The following GRK7 variants were observed in gnomAD, a reference collection of about 807,000 sequenced individuals.
GRK7 encodes G protein-coupled receptor kinase 7.
A neutral mutation model predicts 34.1 loss-of-function variants in GRK7; 24 were observed. That is an observed-to-expected ratio of 0.70 (90% CI 0.51 to 0.99). The LOEUF is 0.99. Among genes scored for constraint, GRK7 ranks in the 50% least tolerant of loss-of-function variants. GRK7 has a pLI of 0.00. For synonymous variants in GRK7, 256 were observed against 279.4 expected, an observed-to-expected ratio of 0.92 and a Z score of 0.84; for missense variants, 644 against 707.3, an observed-to-expected ratio of 0.91 and a Z score of 1.02.
chr3:141,768,120 A>G (rs2084598483), intron 1 of GRK7, among the ~76,000 whole-genome samples: 1 of 152,064 alleles, frequency 6.6e-6, no homozygotes, highest in African/African-American at 2.4e-5. Context: ...ACACTGTGTC[A>G]CGGTTATCAT....
intron 2 of GRK7, among the ~76,000 whole-genome samples, chr3:141,776,839 T>C (rs2084642139): frequency 6.6e-6 from 1 of 152,212 alleles, no homozygotes; most frequent in South Asian, 2.1e-4. Flanking sequence ...TTTGGCATAA[T>C]ACTGAATGAC....
chr3:141,810,707 G>A (rs1342865639), intron 5 of GRK7, among the ~76,000 whole-genome samples: 1 of 151,988 alleles, frequency 6.6e-6, no homozygotes, highest in Non-Finnish European at 1.5e-5. Flanking sequence ...AGTAGAGACG[G>A]GGTTTCACCA....
Position 141,818,374 on chromosome 3 carries a change from G to A in GRK7, c.*1324G>A, listed in dbSNP as rs117802924. The A allele has an allele frequency of 7.2e-4, 110 of 152,558 alleles. No homozygotes were observed. The East Asian group carries it at 0.018, about 25-fold the overall frequency. 9.5% of individuals were successfully genotyped at this position (152,558 alleles called of 1,614,324 possible). A position where few individuals can be genotyped will look rare whatever the true frequency, so the allele number is the denominator to read the frequency against. On this transcript the variant is annotated 3_prime_UTR_variant, in exon 6 of 6. Coordinates refer to ENST00000682958, the MANE Select transcript of GRK7 (RefSeq NM_139209.3). ...TGCACATCTATAATCCCAGTTACCC[G>A]GGAGCCTGAGGCAGGAGAATTGCTT...
chr3:141,779,016 G>T, intron 3 of GRK7, 120 bp downstream of exon 3: 1 of 975,968 alleles, frequency 1.0e-6, no homozygotes, highest in Non-Finnish European at 1.5e-6. Context: ...ATATGTGGAG[G>T]ATTTCTAGCC....
At chr3:141,783,485 G>C (rs2084681441) in intron 4 of GRK7, among the ~76,000 whole-genome samples, 1 of 152,148 alleles carries the variant, frequency 6.6e-6, no homozygotes, top group Admixed American at 6.5e-5. Flanking sequence ...TCTGCCACAG[G>C]AGCCAAAGAA....
Position 141,816,997 on chromosome 3 carries a change from A to G in GRK7, c.1609A>G (p.Thr537Ala), listed in dbSNP as rs1162025611. 3 of 1,613,382 alleles carry G rather than the reference A, an allele frequency of 1.9e-6. No homozygotes were observed. The highest frequency in any genetic ancestry group is 3.3e-5 in the Admixed American group (2 of 59,914). The change falls in exon 6 of 6, where the codon ACG becomes GCG. Residue 537 changes from threonine (T) to alanine (A), a missense_variant. Transcript: ENST00000682958. ...FEELNDPNRP[T>A]GCEEGNSSKS... is the part of the protein sequence containing the mutation. ...GGAACTGAATGACCCCAACAGACCTACGGGTTGTGAGGAGGGTAATTCATC... is the reference window on the plus strand; with the variant it reads ...GGAACTGAATGACCCCAACAGACCTGCGGGTTGTGAGGAGGGTAATTCATC...
intron 4 of GRK7, among the ~76,000 whole-genome samples, chr3:141,794,445 G>A (rs1051028456): frequency 2.0e-5 from 3 of 152,192 alleles, no homozygotes; most frequent in Non-Finnish European, 2.9e-5. Context: ...GAAATGAAAA[G>A]GAAGCCAGGA....
At chr3:141,792,076 G>A (rs1174954471) in intron 4 of GRK7, among the ~76,000 whole-genome samples, 1 of 148,936 alleles carries the variant, frequency 6.7e-6, no homozygotes, top group Non-Finnish European at 1.5e-5. Context: ...CTGCCTTCAT[G>A]AAGCTTACAG....
Position 141,778,939 on chromosome 3 carries a change from G to A in GRK7, c.612+43G>A. 1 of 1,534,866 alleles carries A rather than the reference G, an allele frequency of 6.5e-7. No individual in the cohort carries two copies. Among genetic ancestry groups the A allele is most frequent in the Non-Finnish European group, 8.8e-7 (1 of 1,140,578 alleles). On this transcript the variant is annotated intron_variant, in intron 3 of 5. Coordinates refer to ENST00000682958, the MANE Select transcript of GRK7 (RefSeq NM_139209.3). The surrounding 1 kb of genome is among the most constrained non-coding windows in gnomAD (Gnocchi z 4.1). ...GCCAGGCTAGAAGGTGAAGCATAGA[G>A]CATGAAAGGGGGTAATGTTGCCTTT...
chr3:141,807,942 G>A (rs759819824), intron 5 of GRK7, 23 bp downstream of exon 5: 5 of 1,549,436 alleles, frequency 3.2e-6, no homozygotes. Flanking sequence ...GTAACAGAGA[G>A]GATTGCTGAC....
intron 1 of GRK7, among the ~76,000 whole-genome samples, chr3:141,765,944 T>C (rs1260070283): frequency 1.3e-5 from 2 of 152,182 alleles, no homozygotes; most frequent in Non-Finnish European, 2.9e-5. Flanking sequence ...GGTGTTTAAG[T>C]GTCACCAGCT....
chr3:141,792,644 C>CA (rs1458070713), intron 4 of GRK7, among the ~76,000 whole-genome samples: 2 of 152,228 alleles, frequency 1.3e-5, no homozygotes, highest in East Asian at 3.9e-4. Context: ...CAGACTGAGA[C>CA]AGATTTACAC....
chr3:141,778,795 T>C lies in GRK7; in HGVS notation c.511T>C (p.Phe171Leu), dbSNP rs755807570. 6.2e-7 allele frequency: 1 copy of C among 1,608,640 alleles called. No homozygotes were observed. Among genetic ancestry groups the C allele is most frequent in the South Asian group, 1.1e-5 (1 of 90,012 alleles). ...CTTTAAGGATTTCGTGACCAGCGCC[T>C]TCTACGACAAGTTTCTGCAGTGGAA... ...QPFKDFVTSA[F>L]YDKFLQWKLF... The change falls in exon 3 of 6, where the codon TTC (phenylalanine) becomes CTC (leucine). Residue 171 changes from phenylalanine (F) to leucine (L), a missense_variant. By Grantham distance (22) the Phe-to-Leu change is conservative. Transcript: ENST00000682958. This position sits in a 1 kb window ranked among gnomAD's most constrained non-coding sequence, Gnocchi z 4.1.
the GRK7 span, among the ~76,000 whole-genome samples, chr3:141,752,143 C>T: frequency 1.3e-5 from 2 of 152,288 alleles, no homozygotes; most frequent in Admixed American, 6.5e-5. Context: ...ATATGAAAAA[C>T]CTCAGTGTTT....
intron 4 of GRK7, among the ~76,000 whole-genome samples, chr3:141,796,759 C>T (rs1445779719): frequency 6.6e-6 from 1 of 152,218 alleles, no homozygotes; most frequent in African/African-American, 2.4e-5. Flanking sequence ...CACTGAAGAA[C>T]ACGCTCAAGT....
chr3:141,765,981 A>C (rs1218201634), intron 1 of GRK7, among the ~76,000 whole-genome samples: 1 of 152,174 alleles, frequency 6.6e-6, no homozygotes, highest in African/African-American at 2.4e-5. Context: ...TTTCTTTACC[A>C]TAGCGTATAT....
At chr3:141,779,001 G>A (rs1345009564) in intron 3 of GRK7, 105 bp downstream of exon 3, 2 of 1,108,710 alleles carry the variant, frequency 1.8e-6, no homozygotes, top group Non-Finnish European at 2.6e-6. Flanking sequence ...ACTAATTTCA[G>A]CACCATATGT....
At chr3:141,776,313 AT>A (rs1335324444) in intron 2 of GRK7, among the ~76,000 whole-genome samples, 101 of 151,898 alleles carry the variant, frequency 6.6e-4, no homozygotes, top group South Asian at 1.5e-3. Context: ...AAAATAAAAA[AT>A]ATATATAAAT....
chr3:141,755,454 G>A, the GRK7 span, among the ~76,000 whole-genome samples: 6 of 152,112 alleles, frequency 3.9e-5, no homozygotes, highest in East Asian at 1.9e-4. Context: ...GAATGTGGTC[G>A]GTCAACAGAA....
Sources: allele counts gnomAD v4.1 joint callset (sites outside exome capture counted in the v4.1 genomes callset), GRCh38; gene constraint gnomAD v4.1.1; non-coding constraint Gnocchi (gnomAD v3.1); transcripts MANE v1.5; gene names NCBI Gene and HGNC (gene_info 2026-07-23, HGNC 2026-07-21).